Variants in TEAD3 observed in about 807,000 individuals in gnomAD.
The protein encoded by TEAD3 is transcriptional enhancer factor TEF-5.
Under a neutral mutation model 55.6 loss-of-function variants are expected in TEAD3, and 15 were observed. That is an observed-to-expected ratio of 0.27 (90% CI 0.18 to 0.42). TEAD3 has a LOEUF of 0.42. Among genes scored for constraint, TEAD3 ranks in the 10% least tolerant of loss-of-function variants. The pLI is 1.00. For missense variants in TEAD3, 407 were observed against 576.8 expected (o/e 0.71, Z 3.01); for synonymous variants, 210 against 232.2 (o/e 0.90, Z 0.87).
rs766394492 is a variant in TEAD3 at position 35,486,451 on chromosome 6, C to CG, written c.202+9dup. 5.6e-6 allele frequency: 9 copies of CG among 1,607,792 alleles called. No individual in the cohort carries two copies. The highest frequency in any genetic ancestry group is 4.0e-5 in the African/African-American group (3 of 74,840). On this transcript the variant is annotated intron_variant, in intron 2 of 12. Transcript: ENST00000639578. The surrounding 1 kb of genome is among the most constrained non-coding windows in gnomAD (Gnocchi z 7.3). ...GGGCCGCAGTCCCGCCCGCGCCCCC[C>CG]GGCACGCACCGTACATCTTGCCCTC...
chr6:35,475,119 G>A lies in TEAD3; in HGVS notation c.1233C>T (p.Val411=). ...TGGAGACTTCGAAGACAAAAGCAAT[G>A]ACAAGCAGGGTCTCCTGGGAGTCCC... The change falls in exon 13 of 13, where the codon GTC becomes GTT. Residue 411 remains valine, a synonymous_variant. Coordinates refer to ENST00000639578, the Ensembl canonical transcript of TEAD3. This position sits in a 1 kb window ranked among gnomAD's most constrained non-coding sequence, Gnocchi z 5.4. The A allele has an allele frequency of 1.9e-6, 3 of 1,592,902 alleles. No homozygotes were observed. Among genetic ancestry groups the A allele is most frequent in the Non-Finnish European group, 2.6e-6 (3 of 1,169,362 alleles).
chr6:35,490,710 G>A (rs1262325465), intron 1 of TEAD3, among the ~76,000 whole-genome samples: 1 of 152,168 alleles, frequency 6.6e-6, no homozygotes, highest in Non-Finnish European at 1.5e-5. Context: ...AGACCAGCAT[G>A]TGCCCGCCTT....
chr6:35,488,961 G>A lies in TEAD3; in HGVS notation c.-49-2250C>T, dbSNP rs538069542. On this transcript the variant is annotated intron_variant, in intron 1 of 12. Coordinates refer to ENST00000639578, the Ensembl canonical transcript of TEAD3. This position sits in a 1 kb window ranked among gnomAD's most constrained non-coding sequence, Gnocchi z 4.2. ...TTTAGTAAAGACGGGGTTTCACCAT[G>A]TTGGCCAGGCTGGTCTCAAACTTCT... 1.4e-4 allele frequency among the ~76,000 whole-genome samples: 21 copies of A among 152,314 alleles called. No individual in the cohort carries two copies. The highest frequency in any genetic ancestry group is 4.6e-4 in the African/African-American group (19 of 41,576).
chr6:35,481,058 TCC>T (rs1183112654), intron 3 of TEAD3, among the ~76,000 whole-genome samples: 3 of 152,034 alleles, frequency 2.0e-5, no homozygotes, highest in African/African-American at 4.8e-5. Flanking sequence ...CCTGCTTTGC[TCC>T]CATAACTTTT....
At chr6:35,492,557 A>G (rs748129072) in intron 1 of TEAD3, among the ~76,000 whole-genome samples, 13 of 152,072 alleles carry the variant, frequency 8.5e-5, no homozygotes, top group Non-Finnish European at 1.5e-4. Flanking sequence ...AGGAGGAAGC[A>G]ATTTGCAGAG....
At position 35,475,720 on chromosome 6, in the gene TEAD3, TG is replaced by T; in HGVS notation, c.901-15del. On this transcript the variant is annotated splice_polypyrimidine_tract_variant and intron_variant, in intron 10 of 12. Transcript: ENST00000639578. This position sits in a 1 kb window ranked among gnomAD's most constrained non-coding sequence, Gnocchi z 5.4. ...GTTGAGGTCGGCCTGGGCATGGGGGTGGGGGGTGTTAGGTGCTGGCAGAGAC... is the reference window on the plus strand; with the variant it reads ...GTTGAGGTCGGCCTGGGCATGGGGGTGGGGGTGTTAGGTGCTGGCAGAGAC... 1.9e-6 allele frequency: 3 copies of T among 1,568,346 alleles called. No individual in the cohort carries two copies. Among genetic ancestry groups the T allele is most frequent in the East Asian group, 4.5e-5 (2 of 44,368 alleles).
downstream of TEAD3, chr6:35,474,722 C>T (rs1768105042): frequency 3.4e-6 from 1 of 291,262 alleles, no homozygotes; most frequent in African/African-American, 2.2e-5. Context: ...GTACAGTGGC[C>T]ACACATGCTG....
At position 35,475,005 on chromosome 6, in the gene TEAD3, A is replaced by T. The variant is rs1224963886; in HGVS notation, c.*39T>A. 6 of 1,465,918 alleles carry T rather than the reference A, an allele frequency of 4.1e-6. No homozygotes were observed. The highest frequency in any genetic ancestry group is 1.4e-5 in the African/African-American group (1 of 70,858). 90.8% of individuals were successfully genotyped at this position (1,465,918 alleles called of 1,614,324 possible). ...GGTGCCAGGCAGGTGTGGAGAGGAG[A>T]TGCTCACCCTGCATCCTTAAGGAGG... On this transcript the variant is annotated 3_prime_UTR_variant, in exon 13 of 13. Coordinates refer to ENST00000639578, the Ensembl canonical transcript of TEAD3. This position sits in a 1 kb window ranked among gnomAD's most constrained non-coding sequence, Gnocchi z 5.4.
rs1768320907 is a variant in TEAD3 at position 35,484,212 on chromosome 6, G to C, written c.267+348C>G. Among the ~76,000 whole-genome samples, 1 of 152,094 alleles carries C rather than the reference G, an allele frequency of 6.6e-6. No individual in the cohort carries two copies. Among genetic ancestry groups the C allele is most frequent in the Non-Finnish European group, 1.5e-5 (1 of 68,020 alleles). Reference sequence around the variant, plus strand: ...CTGTACCCATCCATCTGACCATCTGGCTCCCTGGCTGGTGAGTGAGCCACT... The same window carrying C: ...CTGTACCCATCCATCTGACCATCTGCCTCCCTGGCTGGTGAGTGAGCCACT... On this transcript the variant is annotated intron_variant, in intron 3 of 12. Transcript: ENST00000639578. The surrounding 1 kb of genome is among the most constrained non-coding windows in gnomAD (Gnocchi z 5.8).
chr6:35,474,718 T>C (rs1030315840), downstream of TEAD3: 17 of 283,434 alleles, frequency 6.0e-5, no homozygotes, highest in Non-Finnish European at 9.4e-5. Context: ...GGGGGTACAG[T>C]GGCCACACAT....
intron 1 of TEAD3, among the ~76,000 whole-genome samples, chr6:35,494,963 A>G (rs1768610055): frequency 6.6e-6 from 1 of 151,054 alleles, no homozygotes; most frequent in Non-Finnish European, 1.5e-5. Flanking sequence ...GGGCCACTGG[A>G]TCACCCACCC....
At chr6:35,492,945 A>G (rs7757174) in intron 1 of TEAD3, among the ~76,000 whole-genome samples, 69,719 of 151,774 alleles carry the variant, frequency 0.46, 16,406 homozygotes, top group Admixed American at 0.58. Flanking sequence ...TGAGAGACAG[A>G]CTATAGGGGG....
rs202114500 is a variant in TEAD3 at position 35,479,421 on chromosome 6, A to G, written c.331-105T>C. The G allele has an allele frequency of 2.1e-6, 3 of 1,439,566 alleles. No homozygotes were observed. In the East Asian group the frequency reaches 6.9e-5, roughly 33 times the overall value. The allele number at this position is 1,439,566 out of a possible 1,614,324, so 89.2% of individuals were successfully genotyped here. A position where few individuals can be genotyped will look rare whatever the true frequency, so the allele number is the denominator to read the frequency against. Reference sequence around the variant, plus strand: ...CCTCCACCCAGTGCCCATGGGTTTTAGCTTCCGAGGAGCCCAAGGAAGCTC... The same window carrying G: ...CCTCCACCCAGTGCCCATGGGTTTTGGCTTCCGAGGAGCCCAAGGAAGCTC... On this transcript the variant is annotated intron_variant, in intron 4 of 12. Coordinates refer to ENST00000639578, the Ensembl canonical transcript of TEAD3.
chr6:35,480,447 G>A (rs371398944), intron 3 of TEAD3, 73 bp from the exon 4 acceptor site: 10 of 1,526,342 alleles, frequency 6.6e-6, no homozygotes, highest in South Asian at 4.6e-5. Flanking sequence ...GGGTGGCCGC[G>A]GGCAAGGAGC....
intron 3 of TEAD3, among the ~76,000 whole-genome samples, chr6:35,482,051 C>T (rs571911559): frequency 6.6e-6 from 1 of 152,262 alleles, no homozygotes; most frequent in South Asian, 2.1e-4. Flanking sequence ...GTGGCGTGAT[C>T]TCGGCTCACT....
rs1768364293 is a variant in TEAD3 at position 35,485,810 on chromosome 6, G to A, written c.202+651C>T. ...GGCTGGGCCTGCCTCGCTCAGCCAC[G>A]GGCTGCTGGGAGGAATAGGGGAGCT... On this transcript the variant is annotated intron_variant, in intron 2 of 12. Coordinates refer to ENST00000639578, the Ensembl canonical transcript of TEAD3. The surrounding 1 kb of genome is among the most constrained non-coding windows in gnomAD (Gnocchi z 4.3). Among the ~76,000 whole-genome samples, 1 of 152,168 alleles carries A rather than the reference G, an allele frequency of 6.6e-6. No homozygotes were observed. The highest frequency in any genetic ancestry group is 1.5e-5 in the Non-Finnish European group (1 of 68,014).
At chr6:35,492,409 G>C (rs1303806286) in intron 1 of TEAD3, among the ~76,000 whole-genome samples, 2 of 151,998 alleles carry the variant, frequency 1.3e-5, no homozygotes, top group African/African-American at 2.4e-5. Flanking sequence ...CCATGCTCTG[G>C]GGCAGCAGAG....
At position 35,483,038 on chromosome 6, in the gene TEAD3, C is replaced by T. The variant is rs901297585; in HGVS notation, c.267+1522G>A. 3.3e-5 allele frequency among the ~76,000 whole-genome samples: 5 copies of T among 152,222 alleles called. No individual in the cohort carries two copies. The highest frequency in any genetic ancestry group is 5.9e-5 in the Non-Finnish European group (4 of 68,032). On this transcript the variant is annotated intron_variant, in intron 3 of 12. Transcript: ENST00000639578. The surrounding 1 kb of genome is among the most constrained non-coding windows in gnomAD (Gnocchi z 4.5). ...GCTGGGAGGCCAACTACTGCCCACT[C>T]CCAGGTAGAACCAGTATTTGAACCC...
At position 35,486,998 on chromosome 6, in the gene TEAD3, G is replaced by A. The variant is rs1768398339; in HGVS notation, c.-49-287C>T. Among the ~76,000 whole-genome samples the A allele has an allele frequency of 6.6e-6, 1 of 152,194 alleles. No individual in the cohort carries two copies. The highest frequency in any genetic ancestry group is 2.4e-5 in the African/African-American group (1 of 41,446). Reference sequence around the variant, plus strand: ...AGGTTGTGAGGGTTAAAATGTAAATGAGCTCATGACAAAGTACCAACCACA... The same window carrying A: ...AGGTTGTGAGGGTTAAAATGTAAATAAGCTCATGACAAAGTACCAACCACA... On this transcript the variant is annotated intron_variant, in intron 1 of 12. Coordinates refer to ENST00000639578, the Ensembl canonical transcript of TEAD3. The surrounding 1 kb of genome is among the most constrained non-coding windows in gnomAD (Gnocchi z 7.3).
Sources: allele counts gnomAD v4.1 joint callset (sites outside exome capture counted in the v4.1 genomes callset), GRCh38; gene constraint gnomAD v4.1.1; non-coding constraint Gnocchi (gnomAD v3.1); transcripts MANE v1.5; gene names NCBI Gene and HGNC (gene_info 2026-07-23, HGNC 2026-07-21).